MCM6: variants seen among roughly 807,000 people sequenced by gnomAD.
MCM6 encodes the protein minichromosome maintenance complex component 6.
In MCM6, 46 loss-of-function variants were observed where a neutral mutation model predicts 94.3. The ratio of observed to expected loss-of-function variants is 0.49; its 90% confidence interval spans 0.39 to 0.62. The LOEUF (loss-of-function observed/expected upper bound fraction) is 0.62, where lower values mean the gene tolerates loss of function less well. Among genes scored for constraint, MCM6 ranks in the 20% least tolerant of loss-of-function variants. The probability of loss-of-function intolerance (pLI) is 0.00; values close to 1 mark genes in which losing one functional copy is unlikely to be tolerated. For synonymous variants in MCM6, 335 were observed against 351.9 expected, an observed-to-expected ratio of 0.95 and a Z score of 0.54; for missense variants, 865 against 1,017.9, an observed-to-expected ratio of 0.85 and a Z score of 2.04.
rs1214715479 is a variant in MCM6 at position 135,846,271 on chromosome 2, G to A, written c.2175C>T (p.Asn725=). The A allele has an allele frequency of 2.5e-6, 4 of 1,613,984 alleles. No homozygotes were observed. In the African/African-American group the frequency reaches 4.0e-5, roughly 16 times the overall value. The change falls in exon 15 of 17, where the codon AAC becomes AAT. Residue 725 remains asparagine (N), a synonymous_variant. Transcript: ENST00000264156. ...CCTTTCTGAGGTGAAGCACAATAAG[G>A]TTAGAGATTCGGCAGTACTCAGAGA... ...LGFSEYCRIS[N]LIVLHLRKVE...
At chr2:135,846,620 G>C (rs940109114) in intron 14 of MCM6, among the ~76,000 whole-genome samples, 24 of 152,190 alleles carry the variant, frequency 1.6e-4, no homozygotes, top group African/African-American at 5.8e-4. Context: ...GGGATTACAG[G>C]TGTGGGCCAC....
At chr2:135,847,673 C>A (rs1679697325) in intron 14 of MCM6, among the ~76,000 whole-genome samples, 1 of 152,178 alleles carries the variant, frequency 6.6e-6, no homozygotes, top group African/African-American at 2.4e-5. Flanking sequence ...AAGTGATTCT[C>A]CTGCCTCAGC....
chr2:135,857,380 T>C (rs1679911064), intron 10 of MCM6, among the ~76,000 whole-genome samples: 1 of 152,234 alleles, frequency 6.6e-6, no homozygotes, highest in Admixed American at 6.5e-5. Flanking sequence ...AGATGCCTTA[T>C]TTTCCTCCTC....
At chr2:135,864,875 G>T in intron 7 of MCM6, 138 bp downstream of exon 7, 1 of 509,860 alleles carries the variant, frequency 2.0e-6, no homozygotes, top group Non-Finnish European at 3.2e-6. Flanking sequence ...TCATGTACCT[G>T]TCCTTTTGTA....
At position 135,865,113 on chromosome 2, in the gene MCM6, C is replaced by G; in HGVS notation, c.978G>C (p.Lys326Asn). Reference sequence around the variant, plus strand: ...CCCATTCTTTCACAGTCATTTGGTTCTTAATGCTCTCAGCTGTCTGTTCCT... The same window carrying G: ...CCCATTCTTTCACAGTCATTTGGTTGTTAATGCTCTCAGCTGTCTGTTCCT... ...RDEEQTAESI[K>N]NQMTVKEWEK... is the part of the protein sequence containing the mutation. The change falls in exon 7 of 17, where the codon AAG becomes AAC. Residue 326 changes from lysine (K) to asparagine (N), a missense_variant. Around this residue, in one of 3 missense-constraint regions of MCM6, gnomAD observed 404 missense variants for 451.9 expected, o/e 0.89. Coordinates refer to ENST00000264156, the MANE Select transcript of MCM6 (RefSeq NM_005915.6). 6.3e-7 allele frequency: 1 copy of G among 1,583,008 alleles called. No homozygotes were observed. The highest frequency in any genetic ancestry group is 8.6e-7 in the Non-Finnish European group (1 of 1,165,808).
chr2:135,848,137 T>G lies in MCM6; in HGVS notation c.1969A>C (p.Ile657Leu). The stretch of plus-strand genomic sequence containing the variant: ...TTGACATCAGGTGTTTCCACACGGA[T>G]GATTGATTTATTCAGTAACCGGAAA... The part of the protein sequence containing the change: ...EAFRLLNKSI[I>L]RVETPDVNLD... Residue 657 changes from isoleucine to leucine, a missense_variant, in exon 14 of 17, where the codon ATC becomes CTC. By Grantham distance (5) the Ile-to-Leu change is conservative. Transcript: ENST00000264156. 6.2e-7 allele frequency: 1 copy of G among 1,611,678 alleles called. No individual in the cohort carries two copies. Among genetic ancestry groups the G allele is most frequent in the Non-Finnish European group, 8.5e-7 (1 of 1,177,816 alleles).
At position 135,840,885 on chromosome 2, in the gene MCM6, C is replaced by T. The variant is rs4988283; in HGVS notation, c.2416G>A (p.Glu806Lys). The T allele has an allele frequency of 1.3e-4, 213 of 1,614,064 alleles. No individual in the cohort carries two copies. In the African/African-American group the frequency reaches 2.4e-3, roughly 18 times the overall value. Residue 806 changes from glutamate to lysine, a missense_variant, in exon 17 of 17, where the codon GAA (glutamate) becomes AAA (lysine). Around this residue, in one of 3 missense-constraint regions of MCM6, gnomAD observed 308 missense variants for 324.5 expected, o/e 0.95. Transcript: ENST00000264156. ...TTAACTACCAAGTAGGGATCTTCTTCATAGCTCTCACTTCCCTCTGTGGAG... is the reference window on the plus strand; with the variant it reads ...TTAACTACCAAGTAGGGATCTTCTTTATAGCTCTCACTTCCCTCTGTGGAG... The part of the protein sequence containing the change: ...KGSTEGSESY[E>K]EDPYLVVNPN...
intron 16 of MCM6, among the ~76,000 whole-genome samples, chr2:135,841,653 T>C (rs901728976): frequency 1.3e-5 from 2 of 152,292 alleles, no homozygotes; most frequent in African/African-American, 2.4e-5. Context: ...TTTTAAAAAA[T>C]TGCCCTTTCA....
chr2:135,869,069 A>C (rs539549045), intron 3 of MCM6, among the ~76,000 whole-genome samples: 1 of 152,296 alleles, frequency 6.6e-6, no homozygotes, highest in East Asian at 1.9e-4. Context: ...AAAATATATA[A>C]ATGAACTAAA....
At position 135,844,626 on chromosome 2, in the gene MCM6, G is replaced by A. The variant is rs4988270; in HGVS notation, c.2268C>T (p.Ile756=). The part of the protein sequence containing the change: ...SELVNWYLKE[I]ESEIDSEEEL... ...CTTCTTCAGAGTCTATCTCTGATTC[G>A]ATTTCCTTCAAGTACCAGTTAACAA... The change falls in exon 16 of 17, where the codon ATC becomes ATT. Residue 756 remains isoleucine (I), a synonymous_variant. Coordinates refer to ENST00000264156, the MANE Select transcript of MCM6 (RefSeq NM_005915.6). The A allele has an allele frequency of 3.5e-3, 5,523 of 1,585,624 alleles. 27 individuals carry two copies. The highest frequency in any genetic ancestry group is 3.5e-3 in the Non-Finnish European group (4,128 of 1,168,164).
chr2:135,857,836 G>A (rs1679920482), intron 10 of MCM6, 61 bp downstream of exon 10: 4 of 1,375,972 alleles, frequency 2.9e-6, no homozygotes, highest in African/African-American at 2.9e-5. Flanking sequence ...AACTTCTCTA[G>A]TACTACATTA....
chr2:135,846,020 G>A (rs3769004), intron 15 of MCM6, among the ~76,000 whole-genome samples: 7,685 of 152,232 alleles, frequency 0.05, 518 homozygotes, highest in East Asian at 0.18. Flanking sequence ...TAAAAAGAAG[G>A]ACCTACAAAG....
intron 1 of MCM6, among the ~76,000 whole-genome samples, chr2:135,875,520 T>C (rs1183028744): frequency 6.6e-6 from 1 of 152,172 alleles, no homozygotes; most frequent in Admixed American, 6.5e-5. Flanking sequence ...CATTCCAAAC[T>C]GCTGACCCTT....
rs996569348 is a variant in MCM6 at position 135,876,426 on chromosome 2, C to T, written c.-61G>A. On this transcript the variant is annotated 5_prime_UTR_variant, in exon 1 of 17. Transcript: ENST00000264156. The stretch of plus-strand genomic sequence containing the variant: ...TCGACCGCCACAAGTCGCTTTTTTC[C>T]AGACGCTGCAGCTTTGCGCGCGCCG... The T allele has an allele frequency of 2.1e-6, 3 of 1,415,584 alleles. No individual in the cohort carries two copies. Among genetic ancestry groups the T allele is most frequent in the East Asian group, 2.5e-5 (1 of 39,660 alleles). The allele number at this position is 1,415,584 out of a possible 1,614,324, so 87.7% of individuals were successfully genotyped here.
At chr2:135,874,989 A>C (rs922808260) in intron 1 of MCM6, among the ~76,000 whole-genome samples, 1 of 152,218 alleles carries the variant, frequency 6.6e-6, no homozygotes, top group African/African-American at 2.4e-5. Flanking sequence ...AATGAAAGGA[A>C]GCAGAGTGGT....
chr2:135,860,355 C>T (rs1249880650), intron 8 of MCM6, among the ~76,000 whole-genome samples: 2 of 151,188 alleles, frequency 1.3e-5, no homozygotes, highest in African/African-American at 2.4e-5. Flanking sequence ...AGGACGGTCT[C>T]GATCTCCTGA....
chr2:135,864,317 A>G (rs892106144), intron 7 of MCM6, among the ~76,000 whole-genome samples: 3 of 152,124 alleles, frequency 2.0e-5, no homozygotes, highest in Non-Finnish European at 4.4e-5. Context: ...CCAATCATAA[A>G]CACTCCATTT....
chr2:135,853,376 T>C (rs926741310), intron 11 of MCM6, among the ~76,000 whole-genome samples: 44 of 152,150 alleles, frequency 2.9e-4, no homozygotes, highest in African/African-American at 1.1e-3. Flanking sequence ...CCCAGGAGGT[T>C]GAAGGGGCAG....
chr2:135,845,051 A>C (rs1364380855), intron 15 of MCM6, among the ~76,000 whole-genome samples: 3 of 152,244 alleles, frequency 2.0e-5, no homozygotes, highest in Non-Finnish European at 4.4e-5. Context: ...ATTAGGAATG[A>C]AGCAACAGCA....
Sources: gnomAD v4.1 joint callset for allele counts (sites outside exome capture counted in the v4.1 genomes callset) on GRCh38, gnomAD v4.1.1 for gene constraint, gnomAD v4.1.1 regional missense constraint, MANE v1.5 for transcripts, NCBI Gene and HGNC (gene_info 2026-07-23, HGNC 2026-07-21) for gene names.